Variants in KSR2 observed in about 807,000 individuals in gnomAD.
The protein encoded by KSR2 is kinase suppressor of ras 2.
A neutral mutation model predicts 107.8 loss-of-function variants in KSR2; 25 were observed. The ratio of observed to expected loss-of-function variants is 0.23; its 90% CI spans 0.17 to 0.32. The LOEUF (loss-of-function observed/expected upper bound fraction) is 0.32. KSR2 is among the 10% of genes least tolerant of loss of function. The probability of loss-of-function intolerance (pLI) is 1.00; values close to 1 mark genes in which losing one functional copy is unlikely to be tolerated. For synonymous variants in KSR2, 480 were observed against 507.0 expected (o/e 0.95, Z 0.71); for missense variants, 887 against 1,268.9 (o/e 0.70, Z 4.57).
chr12:117,793,838 GCACA>G (rs200307031), intron 3 of KSR2, among the ~76,000 whole-genome samples: 1 of 125,288 alleles, frequency 8.0e-6, no homozygotes, highest in African/African-American at 3.1e-5. Flanking sequence ...ACACCAACAT[GCACA>G]CACTCATACC....
intron 3 of KSR2, among the ~76,000 whole-genome samples, chr12:117,838,577 C>T (rs1408690084): frequency 6.6e-6 from 1 of 152,128 alleles, no homozygotes; most frequent in Non-Finnish European, 1.5e-5. Context: ...GGGCGTGTGC[C>T]TCCTTCCTGC....
chr12:117,846,834 T>C lies in KSR2; in HGVS notation c.472+8594A>G, dbSNP rs150812776. ...CTGGTCACACGAGTCTGGTGACCGC[T>C]GTACTGAACAGTGCAGGTCTGGGAC... On this transcript the variant is annotated intron_variant, in intron 3 of 19. Transcript: ENST00000339824. Among the ~76,000 whole-genome samples, 146 of 152,356 alleles carry C rather than the reference T, an allele frequency of 9.6e-4. 2 individuals are homozygous for C. Among genetic ancestry groups the C allele is most frequent in the Middle Eastern group, 3.4e-3 (1 of 294 alleles).
intron 17 of KSR2, 37 bp downstream of exon 17, chr12:117,476,427 G>A: frequency 6.5e-7 from 1 of 1,549,608 alleles, no homozygotes. Context: ...CTCTGCCCAG[G>A]CTGTGGCTCT....
intron 2 of KSR2, 48 bp downstream of exon 2, chr12:117,860,243 A>G: frequency 6.3e-7 from 1 of 1,576,974 alleles, no homozygotes; most frequent in Non-Finnish European, 8.7e-7. Flanking sequence ...CACAGGGGGT[A>G]GCTGCTGGCC....
intron 5 of KSR2, among the ~76,000 whole-genome samples, chr12:117,645,461 T>C (rs79758573): frequency 0.031 from 4,694 of 152,264 alleles, 242 homozygotes; most frequent in African/African-American, 0.11. Context: ...TCTGCCCAAG[T>C]TCTATGGGAT....
intron 1 of KSR2, among the ~76,000 whole-genome samples, chr12:117,958,211 A>G (rs937785546): frequency 4.6e-5 from 7 of 152,148 alleles, no homozygotes; most frequent in African/African-American, 1.4e-4. Context: ...TAAAAACAGT[A>G]AAGATCTCAT....
rs529593417 is a variant in KSR2, at chr12:117,842,094, G to T, written c.472+13334C>A. Among the ~76,000 whole-genome samples the T allele has an allele frequency of 3.2e-4, 48 of 152,366 alleles. No individual in the cohort carries two copies. The highest frequency in any genetic ancestry group is 1.1e-3 in the African/African-American group (47 of 41,584). On this transcript the variant is annotated intron_variant, in intron 3 of 19. Transcript: ENST00000339824. This position sits in a 1 kb window ranked among gnomAD's most constrained non-coding sequence, Gnocchi z 4.2. Reference sequence around the variant, plus strand: ...CGTCGCCTGGGAACTTGTTAATGCAGATTTCTGGGCACTGCCCCGGACTGG... The same window carrying T: ...CGTCGCCTGGGAACTTGTTAATGCATATTTCTGGGCACTGCCCCGGACTGG...
intron 9 of KSR2, among the ~76,000 whole-genome samples, chr12:117,541,303 G>A (rs1407255360): frequency 1.3e-5 from 2 of 151,870 alleles, no homozygotes; most frequent in Non-Finnish European, 2.9e-5. Flanking sequence ...AGGCAGGGAG[G>A]AACAGTAGCT....
intron 3 of KSR2, among the ~76,000 whole-genome samples, chr12:117,793,450 C>T (rs1452242291): frequency 6.7e-6 from 1 of 149,198 alleles, no homozygotes; most frequent in South Asian, 2.2e-4. Context: ...CACACTCAAA[C>T]CAACATGCAC....
intron 16 of KSR2, 105 bp from the exon 17 acceptor site, chr12:117,476,700 G>A (rs1055351459): frequency 3.5e-5 from 44 of 1,251,494 alleles, no homozygotes; most frequent in African/African-American, 2.6e-4. Flanking sequence ...TGCCCTTCTC[G>A]CTTCCCACAT....
At chr12:117,608,365 A>T (rs1308232095) in intron 5 of KSR2, among the ~76,000 whole-genome samples, 2 of 152,260 alleles carry the variant, frequency 1.3e-5, no homozygotes, top group Non-Finnish European at 2.9e-5. Context: ...CAAATGTACA[A>T]AACCACAGAT....
Position 117,968,343 on chromosome 12 carries a change from C to G in KSR2, c.-88G>C. ...TAGAGGTAGTCTACCCTCCGCCTCTCCAACCACTGCGACTTCTCAACAATG... is the reference window on the plus strand; with the variant it reads ...TAGAGGTAGTCTACCCTCCGCCTCTGCAACCACTGCGACTTCTCAACAATG... On this transcript the variant is annotated 5_prime_UTR_variant, in exon 1 of 20. Coordinates refer to ENST00000339824, the MANE Select transcript of KSR2 (RefSeq NM_173598.6). 1 of 1,407,912 alleles carries G rather than the reference C, an allele frequency of 7.1e-7. No individual in the cohort carries two copies. Among genetic ancestry groups the G allele is most frequent in the East Asian group, 2.7e-5 (1 of 37,204 alleles). The allele number at this position is 1,407,912 out of a possible 1,614,324, so 87.2% of individuals were successfully genotyped here.
intron 3 of KSR2, among the ~76,000 whole-genome samples, chr12:117,844,062 G>A (rs979082783): frequency 2.0e-5 from 3 of 151,244 alleles, no homozygotes; most frequent in African/African-American, 7.3e-5. Context: ...CCATCACTGA[G>A]ATCATCACTA....
intron 1 of KSR2, among the ~76,000 whole-genome samples, chr12:117,878,404 G>A (rs764304349): frequency 4.6e-5 from 7 of 152,158 alleles, no homozygotes; most frequent in Non-Finnish European, 8.8e-5. Flanking sequence ...CTTGCAGAGT[G>A]GGGACCCACC....
At chr12:117,529,000 G>T (rs1346637785) in intron 12 of KSR2, among the ~76,000 whole-genome samples, 1 of 152,188 alleles carries the variant, frequency 6.6e-6, no homozygotes, top group East Asian at 1.9e-4. Flanking sequence ...CTAGATGTCA[G>T]CACCATATCC....
At chr12:117,635,005 A>C (rs1882997157) in intron 5 of KSR2, among the ~76,000 whole-genome samples, 1 of 152,176 alleles carries the variant, frequency 6.6e-6, no homozygotes, top group South Asian at 2.1e-4. Context: ...AGACCTGCCC[A>C]AGGTATTGTG....
At chr12:117,686,684 C>G (rs902810715) in intron 4 of KSR2, among the ~76,000 whole-genome samples, 1 of 152,028 alleles carries the variant, frequency 6.6e-6, no homozygotes, top group Non-Finnish European at 1.5e-5. Flanking sequence ...GTGGTAAGCC[C>G]GTAAAGACCC....
At chr12:117,873,784 A>G (rs958507344) in intron 1 of KSR2, among the ~76,000 whole-genome samples, 2 of 152,104 alleles carry the variant, frequency 1.3e-5, no homozygotes, top group African/African-American at 4.8e-5. Flanking sequence ...AATACAGACA[A>G]CAAGGGATAC....
intron 3 of KSR2, among the ~76,000 whole-genome samples, chr12:117,818,356 G>A (rs563147005): frequency 8.5e-5 from 13 of 152,142 alleles, no homozygotes; most frequent in Non-Finnish European, 1.5e-4. Flanking sequence ...GAGGGTTTGT[G>A]TGGCCTAGGG....
Sources: gnomAD v4.1 joint callset for allele counts (sites outside exome capture counted in the v4.1 genomes callset) on GRCh38, gnomAD v4.1.1 for gene constraint, Gnocchi (gnomAD v3.1) non-coding constraint, MANE v1.5 for transcripts, NCBI Gene and HGNC (gene_info 2026-07-23, HGNC 2026-07-21) for gene names.